The following UNC13C variants were observed in gnomAD, a reference collection of about 807,000 sequenced individuals.
UNC13C encodes the protein protein unc-13 homolog C.
In UNC13C, 174 loss-of-function variants were observed where a neutral mutation model predicts 245.4. That is an observed-to-expected ratio of 0.71 (90% CI 0.63 to 0.80). The LOEUF is 0.80. Among genes scored for constraint, UNC13C ranks in the 30% least tolerant of loss-of-function variants. The pLI is 0.00. For synonymous variants in UNC13C, 992 were observed against 895.1 expected (o/e 1.11, Z -1.93); for missense variants, 2,829 against 2,602.9 (o/e 1.09, Z -1.89).
intron 4 of UNC13C, among the ~76,000 whole-genome samples, chr15:54,173,855 G>C (rs916050905): frequency 6.6e-6 from 1 of 152,034 alleles, no homozygotes; most frequent in Non-Finnish European, 1.5e-5. Context: ...GTGTCTCAGA[G>C]TTGCCCTTTA....
chr15:53,875,859 A>G, the UNC13C span, among the ~76,000 whole-genome samples: 1 of 152,214 alleles, frequency 6.6e-6, no homozygotes, highest in Non-Finnish European at 1.5e-5. Flanking sequence ...CAGTGCTGAC[A>G]CATGGCAGAC....
chr15:53,988,337 G>A (rs1894235175), intron 1 of UNC13C, among the ~76,000 whole-genome samples: 1 of 151,782 alleles, frequency 6.6e-6, no homozygotes, highest in African/African-American at 2.4e-5. Flanking sequence ...AAAGAAGAGG[G>A]GATGATATGT....
At chr15:53,983,517 C>A (rs1894008226) in intron 1 of UNC13C, among the ~76,000 whole-genome samples, 2 of 151,936 alleles carry the variant, frequency 1.3e-5, no homozygotes, top group Admixed American at 1.3e-4. Context: ...AGAAAATAAT[C>A]CCTAAAATTA....
intron 8 of UNC13C, among the ~76,000 whole-genome samples, 198 bp downstream of exon 8, chr15:54,250,642 T>TAGAATCCTC (rs1252277595): frequency 2.0e-5 from 3 of 151,758 alleles, no homozygotes; most frequent in Non-Finnish European, 2.9e-5. Flanking sequence ...TAGGTGCTAT[T>TAGAATCCTC]AGAATCCTCA....
intron 30 of UNC13C, among the ~76,000 whole-genome samples, chr15:54,610,506 G>A (rs72740038): frequency 0.027 from 4,166 of 152,226 alleles, 169 homozygotes; most frequent in East Asian, 0.2. Flanking sequence ...TTAGTCATAT[G>A]TGTCTTTGTG....
chr15:54,094,951 A>T (rs553607448), intron 2 of UNC13C, among the ~76,000 whole-genome samples: 2 of 152,184 alleles, frequency 1.3e-5, no homozygotes, highest in Admixed American at 1.3e-4. Flanking sequence ...TATCTATCCT[A>T]ATAGCTTCAG....
At chr15:54,230,114 A>C (rs1295351962) in intron 4 of UNC13C, among the ~76,000 whole-genome samples, 1 of 54,228 alleles carries the variant, frequency 1.8e-5, no homozygotes, top group Non-Finnish European at 4.0e-5. Context: ...TGTTGGTAGG[A>C]GTAATGAATT....
At chr15:54,525,847 G>C (rs893663297) in intron 25 of UNC13C, among the ~76,000 whole-genome samples, 1 of 152,014 alleles carries the variant, frequency 6.6e-6, no homozygotes, top group Non-Finnish European at 1.5e-5. Context: ...TGCATCCTTC[G>C]GTCGGATAAC....
chr15:54,574,449 C>T (rs1437027641), intron 30 of UNC13C, among the ~76,000 whole-genome samples: 4 of 152,108 alleles, frequency 2.6e-5, no homozygotes, highest in African/African-American at 9.7e-5. Flanking sequence ...ACCAAGGGCT[C>T]TTTGAATATT....
At chr15:54,154,420 T>C (rs552571899) in intron 4 of UNC13C, among the ~76,000 whole-genome samples, 1 of 152,296 alleles carries the variant, frequency 6.6e-6, no homozygotes, top group South Asian at 2.1e-4. Flanking sequence ...AAATAATTAG[T>C]ATATTAATAA....
chr15:54,447,357 C>T (rs1041125124), intron 19 of UNC13C, among the ~76,000 whole-genome samples: 1 of 152,162 alleles, frequency 6.6e-6, no homozygotes, highest in African/African-American at 2.4e-5. Flanking sequence ...GTACCACCTC[C>T]TCCTTGTACC....
At chr15:54,416,762 T>G in intron 19 of UNC13C, 1 of 370,438 alleles carries the variant, frequency 2.7e-6, no homozygotes, top group East Asian at 7.3e-5. Flanking sequence ...TATAGATTCT[T>G]AATCTCCTTT....
At chr15:54,404,966 A>G (rs1017464881) in intron 18 of UNC13C, among the ~76,000 whole-genome samples, 25 of 152,214 alleles carry the variant, frequency 1.6e-4, no homozygotes, top group Admixed American at 7.2e-4. Flanking sequence ...AAGTACAAAT[A>G]TAAATTTTCA....
intron 18 of UNC13C, among the ~76,000 whole-genome samples, chr15:54,408,199 CAAAAAAAAAAAAAA>C (rs71105808): frequency 0.03 from 876 of 29,142 alleles, 26 homozygotes; most frequent in Middle Eastern, 0.2. Context: ...GACTCTGCCT[CAAAAAAAAAAAAAA>C]AAAAAAAAAA....
intron 4 of UNC13C, among the ~76,000 whole-genome samples, chr15:54,191,761 G>C (rs889338698): frequency 7.2e-5 from 11 of 152,048 alleles, no homozygotes; most frequent in African/African-American, 2.4e-4. Flanking sequence ...GCATGAGATG[G>C]TGTCTCATTG....
intron 2 of UNC13C, among the ~76,000 whole-genome samples, chr15:54,060,583 A>G (rs545533297): frequency 9.2e-4 from 140 of 152,320 alleles, no homozygotes; most frequent in Middle Eastern, 3.4e-3. Context: ...ATCTAGAACT[A>G]GAAATACCAT....
chr15:54,389,591 G>A (rs1487772628), intron 17 of UNC13C, among the ~76,000 whole-genome samples: 2 of 152,214 alleles, frequency 1.3e-5, no homozygotes, highest in South Asian at 2.1e-4. Flanking sequence ...GTAAGTACAT[G>A]ATACTAACAT....
At chr15:54,556,636 C>T (rs28593470) in intron 29 of UNC13C, among the ~76,000 whole-genome samples, 3 of 151,746 alleles carry the variant, frequency 2.0e-5, no homozygotes, top group Non-Finnish European at 4.4e-5. Flanking sequence ...AAAAGAAATA[C>T]AATAAAAAAC....
At chr15:54,318,305 A>G (rs1348868355) in intron 13 of UNC13C, among the ~76,000 whole-genome samples, 1 of 151,714 alleles carries the variant, frequency 6.6e-6, no homozygotes, top group Non-Finnish European at 1.5e-5. Flanking sequence ...CCACCATACT[A>G]TTTCCCTTAA....
Sources: allele counts gnomAD v4.1 joint callset (sites outside exome capture counted in the v4.1 genomes callset), GRCh38; gene constraint gnomAD v4.1.1; transcripts MANE v1.5; gene names NCBI Gene and HGNC (gene_info 2026-07-23, HGNC 2026-07-21).